The following SCN10A variants were observed in gnomAD, a reference collection of about 807,000 sequenced individuals.
SCN10A encodes the protein sodium channel protein type 10 subunit alpha.
SCN10A carries 162 observed loss-of-function variants against 170.7 expected under a neutral mutation model. The ratio of observed to expected loss-of-function variants is 0.95; its 90% confidence interval spans 0.84 to 1.08. The LOEUF is 1.08. Among genes scored for constraint, SCN10A ranks in the 50% least tolerant of loss-of-function variants. The pLI, the probability that SCN10A is intolerant of heterozygous loss-of-function variation, is 0.00. For missense variants in SCN10A, 2,527 were observed against 2,436.9 expected, an observed-to-expected ratio of 1.04 and a Z score of -0.78; for synonymous variants, 985 against 904.6, an observed-to-expected ratio of 1.09 and a Z score of -1.59.
At chr3:38,771,978 A>G (rs747129870) in intron 4 of SCN10A, among the ~76,000 whole-genome samples, 2 of 152,214 alleles carry the variant, frequency 1.3e-5, no homozygotes, top group African/African-American at 4.8e-5. Flanking sequence ...GAATTGCTTG[A>G]AAGTTTTTTA....
At chr3:38,745,320 C>G (rs1251286694) in intron 13 of SCN10A, among the ~76,000 whole-genome samples, 1 of 152,126 alleles carries the variant, frequency 6.6e-6, no homozygotes, top group African/African-American at 2.4e-5. Context: ...TTAAAGAGGT[C>G]CCCCTGCTCC....
intron 4 of SCN10A, among the ~76,000 whole-genome samples, chr3:38,772,730 C>CAAA (rs769751821): frequency 2.1e-5 from 2 of 95,740 alleles, no homozygotes; most frequent in African/African-American, 8.0e-5. Context: ...ACAACAAAAA[C>CAAA]AAAAACAAAA....
rs111599142 is a variant in SCN10A, at chr3:38,815,384, C to T, written c.-33+653G>A. Among the ~76,000 whole-genome samples the T allele has an allele frequency of 4.9e-3, 747 of 152,314 alleles. 9 individuals are homozygous for T. The highest frequency in any genetic ancestry group is 0.017 in the African/African-American group (707 of 41,566). On this transcript the variant is annotated intron_variant, in intron 1 of 27. Transcript: ENST00000449082. ...GAAAAATACAGATTTCTGACTCTCA[C>T]CCCCTTGACATTCAGAGTCAATAGG...
chr3:38,749,944 ATGAGGAG>A (rs2063730033), intron 13 of SCN10A, 122 bp downstream of exon 13: 3 of 524,306 alleles, frequency 5.7e-6, no homozygotes, highest in Non-Finnish European at 1.0e-5. Flanking sequence ...AGACATAAGA[ATGAGGAG>A]TATTAGGAAT....
intron 15 of SCN10A, among the ~76,000 whole-genome samples, chr3:38,735,087 G>A (rs1234300760): frequency 1.3e-5 from 2 of 150,536 alleles, no homozygotes; most frequent in East Asian, 2.0e-4. Flanking sequence ...GGAGAATGGC[G>A]TGAACCCGGG....
At chr3:38,797,128 G>T (rs2064345517) in intron 1 of SCN10A, among the ~76,000 whole-genome samples, 1 of 151,996 alleles carries the variant, frequency 6.6e-6, no homozygotes, top group African/African-American at 2.4e-5. Context: ...AAGTCAAGCA[G>T]ATGGTGGCAG....
At chr3:38,722,552 G>A in intron 19 of SCN10A, 140 bp from the exon 20 acceptor site, 1 of 910,892 alleles carries the variant, frequency 1.1e-6, no homozygotes, top group South Asian at 1.6e-5. Flanking sequence ...GAATATGGGT[G>A]AAGAGGGGTC....
intron 16 of SCN10A, among the ~76,000 whole-genome samples, chr3:38,727,865 G>A (rs1265879292): frequency 6.6e-6 from 1 of 152,148 alleles, no homozygotes; most frequent in African/African-American, 2.4e-5. Flanking sequence ...GGGCGGAGAA[G>A]GGGTATTGGG....
Position 38,769,239 on chromosome 3 carries a change from C to CTTTTTTTTTT in SCN10A, c.599+2030_599+2039dup, listed in dbSNP as rs56406440. On this transcript the variant is annotated intron_variant, in intron 5 of 27. Coordinates refer to ENST00000449082, the MANE Select transcript of SCN10A (RefSeq NM_006514.4). ...CACTTAATAATCAGCCTTCTGAATT[C>CTTTTTTTTTT]TTTTTTTTTTTTTTTTGAGATGGAT... 2.9e-4 allele frequency among the ~76,000 whole-genome samples: 32 copies of CTTTTTTTTTT among 109,928 alleles called. 1 individual carries two copies. Among genetic ancestry groups the CTTTTTTTTTT allele is most frequent in the Non-Finnish European group, 4.0e-4 (23 of 57,698 alleles). 72.1% of individuals were successfully genotyped at this position (109,928 alleles called of 152,430 possible).
At chr3:38,736,800 G>A (rs1488901003) in intron 15 of SCN10A, among the ~76,000 whole-genome samples, 2 of 150,820 alleles carry the variant, frequency 1.3e-5, no homozygotes, top group Non-Finnish European at 2.9e-5. Flanking sequence ...AGCGAGGTGG[G>A]GACAGGGTAG....
At chr3:38,703,710 C>T (rs1329881916) in intron 26 of SCN10A, among the ~76,000 whole-genome samples, 1 of 152,222 alleles carries the variant, frequency 6.6e-6, no homozygotes, top group Non-Finnish European at 1.5e-5. Context: ...TTTTAGACAT[C>T]AGAGTTCTTC....
rs764831522 is a variant in SCN10A at position 38,793,909 on chromosome 3, T to C, written c.102A>G (p.Thr34=). The change falls in exon 2 of 28, where the codon ACA becomes ACG. Residue 34 remains threonine (T), a synonymous_variant. Coordinates refer to ENST00000449082, the MANE Select transcript of SCN10A (RefSeq NM_006514.4). ...IEKQIAAKQG[T]KKAREKHREQ... Reference sequence around the variant, plus strand: ...CCCTATGCTTCTCTCTGGCTTTCTTTGTTCCCTGCTTGGCAGCAATTTGCT... The same window carrying C: ...CCCTATGCTTCTCTCTGGCTTTCTTCGTTCCCTGCTTGGCAGCAATTTGCT... 4 of 1,614,146 alleles carry C rather than the reference T, an allele frequency of 2.5e-6. No individual in the cohort carries two copies. Among genetic ancestry groups the C allele is most frequent in the Non-Finnish European group, 3.4e-6 (4 of 1,179,964 alleles).
rs1559419984 is a variant in SCN10A at position 38,718,678 on chromosome 3, CA to C, written c.3655del (p.Cys1219AlafsTer8). 1.2e-6 allele frequency: 2 copies of C among 1,614,114 alleles called. No individual in the cohort carries two copies. The highest frequency in any genetic ancestry group is 1.7e-5 in the Admixed American group (1 of 60,008). On this transcript the variant is annotated frameshift_variant, in exon 21 of 28. Transcript: ENST00000449082. LOFTEE classifies it high-confidence loss of function. ...GFKKYFTNAW[C>X]WLDFLIVNIS... is the part of the protein sequence containing the mutation. ...ATTCACAATGAGGAAGTCCAGCCAG[CA>C]CCAGGCATTGGTGAAGTACTTTTTG...
intron 5 of SCN10A, among the ~76,000 whole-genome samples, chr3:38,765,891 A>C (rs1024885600): frequency 4.0e-5 from 6 of 151,502 alleles, no homozygotes; most frequent in African/African-American, 1.5e-4. Flanking sequence ...TCTGTGATTT[A>C]TTTTAGCAGT....
At chr3:38,783,993 G>A (rs1490639598) in intron 4 of SCN10A, among the ~76,000 whole-genome samples, 1 of 152,012 alleles carries the variant, frequency 6.6e-6, no homozygotes, top group Non-Finnish European at 1.5e-5. Context: ...ATGGCCATTT[G>A]GATTTCCACT....
chr3:38,774,135 C>A (rs368335170), intron 4 of SCN10A, among the ~76,000 whole-genome samples: 2 of 151,948 alleles, frequency 1.3e-5, no homozygotes, highest in South Asian at 4.2e-4. Context: ...GAGGAGAAAT[C>A]GTGTTTGAAA....
rs746766606 is a variant in SCN10A, at chr3:38,752,296, GGTT to G, written c.1675_1677del (p.Asn559del). 6.2e-7 allele frequency: 1 copy of G among 1,607,710 alleles called. No individual in the cohort carries two copies. Among genetic ancestry groups the G allele is most frequent in the Non-Finnish European group, 8.5e-7 (1 of 1,176,854 alleles). ...TCATCTTCTCCATGCCTGGAGTCAG[GGTT>G]GCTGGGTTGAGGAAGAGGGCTTCTA... On this transcript the variant is annotated inframe_deletion, in exon 12 of 28. Coordinates refer to ENST00000449082, the MANE Select transcript of SCN10A (RefSeq NM_006514.4).
At chr3:38,785,273 C>G (rs1489231622) in intron 4 of SCN10A, among the ~76,000 whole-genome samples, 1 of 152,054 alleles carries the variant, frequency 6.6e-6, no homozygotes, top group Non-Finnish European at 1.5e-5. Flanking sequence ...GGTACTGGTA[C>G]CAAAACAGAT....
chr3:38,745,614 T>C (rs2063677994), intron 13 of SCN10A, among the ~76,000 whole-genome samples: 1 of 152,094 alleles, frequency 6.6e-6, no homozygotes, highest in Non-Finnish European at 1.5e-5. Flanking sequence ...CTCCATTTCT[T>C]CACCTCTCAC....
Sources: allele counts gnomAD v4.1 joint callset (sites outside exome capture counted in the v4.1 genomes callset), GRCh38; gene constraint gnomAD v4.1.1; transcripts MANE v1.5; gene names NCBI Gene and HGNC (gene_info 2026-07-23, HGNC 2026-07-21).